Variants in PDE9A observed in about 807,000 individuals in gnomAD.
The protein encoded by PDE9A is high affinity cGMP-specific 3',5'-cyclic phosphodiesterase 9A.
A neutral mutation model predicts 87.4 loss-of-function variants in PDE9A; 60 were observed. The ratio of observed to expected loss-of-function variants is 0.69; its 90% confidence interval spans 0.56 to 0.85. PDE9A has a LOEUF of 0.85. Among genes scored for constraint, PDE9A ranks in the 40% least tolerant of loss-of-function variants. The pLI, the probability that PDE9A is intolerant of heterozygous loss-of-function variation, is 0.00. For synonymous variants in PDE9A, 272 were observed against 279.4 expected, an observed-to-expected ratio of 0.97 and a Z score of 0.27; for missense variants, 665 against 779.0, an observed-to-expected ratio of 0.85 and a Z score of 1.74.
chr21:42,765,247 T>G, intron 14 of PDE9A, 134 bp from the exon 15 acceptor site: 1 of 583,484 alleles, frequency 1.7e-6, no homozygotes, highest in East Asian at 3.1e-5. Flanking sequence ...AATGGATGGG[T>G]GATGGATGCA....
At position 42,739,819 on chromosome 21, in the gene PDE9A, T is replaced by C. The variant is rs2146834697; in HGVS notation, c.569-3957T>C. ...GGACATGGGAAAAAAATTATAGGTT[T>C]GTTGCAAACTCATTTAGCAGCAAAA... On this transcript the variant is annotated intron_variant, in intron 7 of 19. Transcript: ENST00000291539. This position sits in a 1 kb window ranked among gnomAD's most constrained non-coding sequence, Gnocchi z 4.1. Among the ~76,000 whole-genome samples, 1 of 152,214 alleles carries C rather than the reference T, an allele frequency of 6.6e-6. No individual in the cohort carries two copies. The highest frequency in any genetic ancestry group is 6.5e-5 in the Admixed American group (1 of 15,286).
chr21:42,703,401 G>A (rs1203964499), intron 4 of PDE9A, among the ~76,000 whole-genome samples: 1 of 152,256 alleles, frequency 6.6e-6, no homozygotes, highest in Non-Finnish European at 1.5e-5. Context: ...GAAGGACGCT[G>A]GTGACAGGAC....
At chr21:42,667,713 C>G (rs556068738) in intron 1 of PDE9A, among the ~76,000 whole-genome samples, 1 of 152,102 alleles carries the variant, frequency 6.6e-6, no homozygotes, top group South Asian at 2.1e-4. Flanking sequence ...CTTGCTGGGC[C>G]TTCTTGAAAG....
At chr21:42,773,670 G>A (rs1446950538) in intron 19 of PDE9A, among the ~76,000 whole-genome samples, 3 of 151,464 alleles carry the variant, frequency 2.0e-5, no homozygotes, top group Non-Finnish European at 4.4e-5. Context: ...GCGTGGTGGC[G>A]GGTGCCTGTA....
Position 42,762,928 on chromosome 21 carries a change from G to A in PDE9A, c.1242+689G>A, listed in dbSNP as rs542963123. Among the ~76,000 whole-genome samples the A allele has an allele frequency of 9.9e-5, 15 of 152,226 alleles. No homozygotes were observed. The South Asian group carries it at 1.9e-3, about 19-fold the overall frequency. On this transcript the variant is annotated intron_variant, in intron 14 of 19. Transcript: ENST00000291539. ...GGCTGGTCTTGAACTCCAGACCTCA[G>A]GTGATCCACCTGCCTCGACCTCCCA...
intron 1 of PDE9A, among the ~76,000 whole-genome samples, chr21:42,668,898 A>ACCCCCCCCCCCCCCTCCCCC (rs375148519): frequency 4.8e-5 from 5 of 104,778 alleles, no homozygotes; most frequent in Non-Finnish European, 7.6e-5. Context: ...TGCTCCCTCC[A>ACCCCCCCCCCCCCCTCCCCC]CCCCCCGCCA....
intron 4 of PDE9A, among the ~76,000 whole-genome samples, chr21:42,703,054 A>G (rs891158487): frequency 2.0e-5 from 3 of 152,234 alleles, no homozygotes; most frequent in Non-Finnish European, 2.9e-5. Context: ...GGTGGGGGCC[A>G]TGGAGGTGAT....
Position 42,769,175 on chromosome 21 carries a change from T to A in PDE9A, c.1590+20T>A. The A allele has an allele frequency of 6.2e-7, 1 of 1,608,648 alleles. No individual in the cohort carries two copies. Among genetic ancestry groups the A allele is most frequent in the South Asian group, 1.1e-5 (1 of 90,272 alleles). On this transcript the variant is annotated intron_variant, in intron 17 of 19. Transcript: ENST00000291539. Reference sequence around the variant, plus strand: ...ACCAAGGTGAGTAACTGTCACCACATGTCACACTTGCTTACACTCAGATAC... The same window carrying A: ...ACCAAGGTGAGTAACTGTCACCACAAGTCACACTTGCTTACACTCAGATAC...
In PDE9A at chr21:42,759,126, G is replaced by C; in HGVS notation, c.897+41G>C. On this transcript the variant is annotated intron_variant, in intron 11 of 19. Transcript: ENST00000291539. The surrounding 1 kb of genome is among the most constrained non-coding windows in gnomAD (Gnocchi z 7.2). ...GCCTTCGGTTCTTCCTGGGCACGTGGTTTCATCCAGTTCCACAGGAATGGA... is the reference window on the plus strand; with the variant it reads ...GCCTTCGGTTCTTCCTGGGCACGTGCTTTCATCCAGTTCCACAGGAATGGA... The C allele has an allele frequency of 7.1e-7, 1 of 1,417,818 alleles. No individual in the cohort carries two copies. The highest frequency in any genetic ancestry group is 1.0e-6 in the Non-Finnish European group (1 of 1,002,374). The allele number at this position is 1,417,818 out of a possible 1,614,324, so 87.8% of individuals were successfully genotyped here. A position where few individuals can be genotyped will look rare whatever the true frequency, so the allele number is the denominator to read the frequency against.
chr21:42,765,018 G>GATGA (rs56819620), intron 14 of PDE9A, among the ~76,000 whole-genome samples: 1,690 of 150,684 alleles, frequency 0.011, 33 homozygotes, highest in African/African-American at 0.034. Context: ...TGGATGGATG[G>GATGA]ATGGGTGGAT....
At chr21:42,751,462 C>G (rs2146986624) in intron 9 of PDE9A, among the ~76,000 whole-genome samples, 1 of 152,126 alleles carries the variant, frequency 6.6e-6, no homozygotes, top group African/African-American at 2.4e-5. Context: ...CGGGAGCTGA[C>G]CTGGGTAGAC....
At chr21:42,676,639 G>A (rs1026021496) in intron 1 of PDE9A, among the ~76,000 whole-genome samples, 8 of 152,140 alleles carry the variant, frequency 5.3e-5, no homozygotes, top group Non-Finnish European at 1.2e-4. Flanking sequence ...GTTGTGGGCC[G>A]ACCCCAGTTT....
At chr21:42,720,311 T>C (rs903610986) in intron 4 of PDE9A, among the ~76,000 whole-genome samples, 7 of 151,826 alleles carry the variant, frequency 4.6e-5, no homozygotes, top group African/African-American at 1.7e-4. Context: ...CTGACCAACA[T>C]GGAGAAACCC....
intron 4 of PDE9A, among the ~76,000 whole-genome samples, chr21:42,728,302 A>G (rs1363158038): frequency 6.6e-6 from 1 of 152,210 alleles, no homozygotes; most frequent in Non-Finnish European, 1.5e-5. Context: ...CAGAGACACC[A>G]AGGAACAACT....
intron 10 of PDE9A, chr21:42,758,760 AC>A (rs1289656463): frequency 2.2e-6 from 1 of 460,006 alleles, no homozygotes; most frequent in Non-Finnish European, 3.9e-6. Flanking sequence ...CTGCCAGGAG[AC>A]CCCCAGTGTG....
At chr21:42,664,027 G>C (rs533620644) in intron 1 of PDE9A, among the ~76,000 whole-genome samples, 6 of 152,346 alleles carry the variant, frequency 3.9e-5, no homozygotes, top group African/African-American at 1.4e-4. Flanking sequence ...ATGGATCAGA[G>C]AGCCCCCAGA....
Position 42,660,037 on chromosome 21 carries a change from G to T in PDE9A, c.69+6154G>T, listed in dbSNP as rs1037709668. ...GGCGGCAGGAACTGGGCCCCAGGGG[G>T]CCAAGACTTCCTGAGAGGCTGGGCC... On this transcript the variant is annotated intron_variant, in intron 1 of 19. Coordinates refer to ENST00000291539, the MANE Select transcript of PDE9A (RefSeq NM_002606.3). This position sits in a 1 kb window ranked among gnomAD's most constrained non-coding sequence, Gnocchi z 4.7. Among the ~76,000 whole-genome samples, 2 of 152,200 alleles carry T rather than the reference G, an allele frequency of 1.3e-5. No individual in the cohort carries two copies. Among genetic ancestry groups the T allele is most frequent in the African/African-American group, 2.4e-5 (1 of 41,452 alleles).
At chr21:42,708,531 G>A (rs550330691) in intron 4 of PDE9A, among the ~76,000 whole-genome samples, 24 of 152,250 alleles carry the variant, frequency 1.6e-4, no homozygotes, top group Admixed American at 1.2e-3. Context: ...TCCTGTGGGT[G>A]CAGTTTGATG....
chr21:42,759,253 T>C lies in PDE9A; in HGVS notation c.897+168T>C, dbSNP rs1294223867. On this transcript the variant is annotated intron_variant, in intron 11 of 19. Transcript: ENST00000291539. This position sits in a 1 kb window ranked among gnomAD's most constrained non-coding sequence, Gnocchi z 7.2. Reference sequence around the variant, plus strand: ...TGTGAGGACACTCAGCCTGTCTCTGTTCCTCCTTCCACCAAAACCTTCTTT... The same window carrying C: ...TGTGAGGACACTCAGCCTGTCTCTGCTCCTCCTTCCACCAAAACCTTCTTT... Among the ~76,000 whole-genome samples the C allele has an allele frequency of 1.3e-5, 2 of 152,166 alleles. No homozygotes were observed. The highest frequency in any genetic ancestry group is 4.8e-5 in the African/African-American group (2 of 41,430).
Sources: allele counts gnomAD v4.1 joint callset (sites outside exome capture counted in the v4.1 genomes callset), GRCh38; gene constraint gnomAD v4.1.1; non-coding constraint Gnocchi (gnomAD v3.1); transcripts MANE v1.5; gene names NCBI Gene and HGNC (gene_info 2026-07-23, HGNC 2026-07-21).